FGF14: variants seen among roughly 807,000 people sequenced by gnomAD.
The protein encoded by FGF14 is fibroblast growth factor 14.
A neutral mutation model predicts 25.5 loss-of-function variants in FGF14; 5 were observed. The ratio of observed to expected loss-of-function variants is 0.20; its 90% CI spans 0.10 to 0.41. FGF14 has a LOEUF of 0.41. Ranked by LOEUF, FGF14 falls within the 10% of genes least tolerant of loss-of-function variation. The pLI, the probability that FGF14 is intolerant of heterozygous loss-of-function variation, is 1.00. For synonymous variants in FGF14, 138 were observed against 118.3 expected, an observed-to-expected ratio of 1.17 and a Z score of -1.08; for missense variants, 222 against 320.1, an observed-to-expected ratio of 0.69 and a Z score of 2.34.
At chr13:101,916,424 C>T (rs751468183) in intron 1 of FGF14, 29 bp downstream of exon 1, 90 of 1,612,388 alleles carry the variant, frequency 5.6e-5, no homozygotes, top group Non-Finnish European at 6.9e-5. Flanking sequence ...CGACCCGGGG[C>T]GCATCTCCCG....
intron 1 of FGF14, among the ~76,000 whole-genome samples, chr13:101,932,592 C>T (rs1594762624): frequency 7.1e-6 from 1 of 140,946 alleles, no homozygotes; most frequent in African/African-American, 2.8e-5. Flanking sequence ...AATAAAATTA[C>T]AGATTTACAT....
intron 1 of FGF14, among the ~76,000 whole-genome samples, chr13:102,245,993 T>G (rs2051845979): frequency 6.6e-6 from 1 of 152,072 alleles, no homozygotes; most frequent in Non-Finnish European, 1.5e-5. Flanking sequence ...TCACGATACA[T>G]AAAACATTAC....
intron 3 of FGF14, among the ~76,000 whole-genome samples, chr13:101,861,640 G>A (rs2044421896): frequency 6.6e-6 from 1 of 151,990 alleles, no homozygotes; most frequent in African/African-American, 2.4e-5. Context: ...ATTAAGGAGT[G>A]GTTACCATGT....
intron 1 of FGF14, among the ~76,000 whole-genome samples, chr13:102,254,818 G>A (rs2052360530): frequency 6.6e-6 from 1 of 152,140 alleles, no homozygotes; most frequent in African/African-American, 2.4e-5. Context: ...TCCCAGTTGG[G>A]AACCACTGAC....
At chr13:102,127,083 G>A (rs957782743) in intron 1 of FGF14, among the ~76,000 whole-genome samples, 1 of 151,788 alleles carries the variant, frequency 6.6e-6, no homozygotes, top group Non-Finnish European at 1.5e-5. Context: ...ATTGCACCAG[G>A]ATGCCTGCCT....
intron 1 of FGF14, among the ~76,000 whole-genome samples, chr13:102,161,709 G>GTACCCC (rs2047775018): frequency 1.3e-5 from 2 of 149,104 alleles, no homozygotes; most frequent in South Asian, 4.3e-4. Context: ...AGAAGAAGAA[G>GTACCCC]AAGAAGAAGA....
At chr13:102,362,167 A>C (rs1223734994) in intron 1 of FGF14, among the ~76,000 whole-genome samples, 1 of 152,090 alleles carries the variant, frequency 6.6e-6, no homozygotes, top group Non-Finnish European at 1.5e-5. Flanking sequence ...GGCCCTTATA[A>C]TTATGGCCTG....
intron 1 of FGF14, among the ~76,000 whole-genome samples, chr13:102,206,508 C>T (rs2049933090): frequency 6.6e-6 from 1 of 152,006 alleles, no homozygotes; most frequent in Admixed American, 6.6e-5. Flanking sequence ...TGATGAAAAC[C>T]TGTCTCCACC....
intron 1 of FGF14, among the ~76,000 whole-genome samples, chr13:102,265,873 A>G (rs1052525980): frequency 6.6e-6 from 1 of 152,112 alleles, no homozygotes; most frequent in Non-Finnish European, 1.5e-5. Context: ...ATTTTGAAGC[A>G]TACTAATGGA....
At chr13:101,777,786 A>AC (rs1428659144) in intron 3 of FGF14, among the ~76,000 whole-genome samples, 1 of 152,056 alleles carries the variant, frequency 6.6e-6, no homozygotes, top group African/African-American at 2.4e-5. Context: ...ACATGGTGAA[A>AC]CCCCATCTCT....
At position 101,733,292 on chromosome 13, in the gene FGF14, T is replaced by C. The variant is rs147670532; in HGVS notation, c.409-6482A>G. Among the ~76,000 whole-genome samples, 200 of 152,190 alleles carry C rather than the reference T, an allele frequency of 1.3e-3. 2 individuals carry two copies. Among genetic ancestry groups the C allele is most frequent in the African/African-American group, 4.3e-3 (178 of 41,536 alleles). ...TGTACCTCAAATAAAAGCATAATTA[T>C]GTACGAGTTTAAGAGACAACTTTTG... is the stretch of plus-strand genomic sequence containing the variant. On this transcript the variant is annotated intron_variant, in intron 3 of 4. Transcript: ENST00000376143.
chr13:102,304,168 C>A (rs1026313131), intron 1 of FGF14, among the ~76,000 whole-genome samples: 1 of 151,966 alleles, frequency 6.6e-6, no homozygotes, highest in Non-Finnish European at 1.5e-5. Context: ...TGATAAATAG[C>A]AAGGTATACA....
chr13:102,036,928 T>G (rs9582547), intron 1 of FGF14, among the ~76,000 whole-genome samples: 5,358 of 152,284 alleles, frequency 0.035, 291 homozygotes, highest in African/African-American at 0.12. Flanking sequence ...AGATTTTTCC[T>G]GCTTGGCAAT....
chr13:101,846,462 A>G (rs1295178194), intron 3 of FGF14, among the ~76,000 whole-genome samples: 3 of 152,060 alleles, frequency 2.0e-5, no homozygotes, highest in African/African-American at 7.2e-5. Flanking sequence ...TGTGCAGTCT[A>G]TATTGACTAC....
chr13:101,840,834 G>A (rs2043160455), intron 3 of FGF14, among the ~76,000 whole-genome samples: 1 of 151,836 alleles, frequency 6.6e-6, no homozygotes, highest in Admixed American at 6.6e-5. Flanking sequence ...TTTTTACAAT[G>A]GATAATAAAT....
intron 1 of FGF14, among the ~76,000 whole-genome samples, chr13:102,174,272 T>C (rs1047470723): frequency 1.3e-5 from 2 of 151,794 alleles, no homozygotes; most frequent in African/African-American, 4.8e-5. Flanking sequence ...GTAGCTGGGA[T>C]TACAGGAGCA....
chr13:101,937,158 C>T (rs148013788), intron 1 of FGF14, among the ~76,000 whole-genome samples: 1,781 of 152,272 alleles, frequency 0.012, 42 homozygotes, highest in African/African-American at 0.041. Flanking sequence ...TCTCTCTTTA[C>T]ATCTATGTCT....
chr13:102,011,243 C>T (rs2040061558), intron 1 of FGF14, among the ~76,000 whole-genome samples: 1 of 152,206 alleles, frequency 6.6e-6, no homozygotes, highest in Non-Finnish European at 1.5e-5. Flanking sequence ...ACTGTGATTA[C>T]ATACTTTGAA....
At chr13:102,146,881 C>T (rs548854775) in intron 1 of FGF14, among the ~76,000 whole-genome samples, 1 of 152,086 alleles carries the variant, frequency 6.6e-6, no homozygotes, top group Non-Finnish European at 1.5e-5. Context: ...CATAAAATAA[C>T]AGGGCCCATG....
Sources: gnomAD v4.1 joint callset for allele counts (sites outside exome capture counted in the v4.1 genomes callset) on GRCh38, gnomAD v4.1.1 for gene constraint, MANE v1.5 for transcripts, NCBI Gene and HGNC (gene_info 2026-07-23, HGNC 2026-07-21) for gene names.